WWOX: variants seen among roughly 807,000 people sequenced by gnomAD.
WWOX encodes WW domain containing oxidoreductase.
Under a neutral mutation model 46.2 loss-of-function variants are expected in WWOX, and 69 were observed. That is an observed-to-expected ratio of 1.49 (90% CI 1.23 to 1.82). The LOEUF (loss-of-function observed/expected upper bound fraction) is 1.82. WWOX is among the 40% of genes most tolerant of loss of function. The pLI, the probability that WWOX is intolerant of heterozygous loss-of-function variation, is 0.00. For missense variants in WWOX, 919 were observed against 542.6 expected (o/e 1.69, Z -6.89); for synonymous variants, 359 against 202.6 (o/e 1.77, Z -6.56).
chr16:79,042,146 G>T (rs1162093927), intron 8 of WWOX, among the ~76,000 whole-genome samples: 1 of 152,160 alleles, frequency 6.6e-6, no homozygotes, highest in Non-Finnish European at 1.5e-5. Flanking sequence ...TGTCTCTGAA[G>T]TATTCACAGG....
rs984936279 is a variant in WWOX, at chr16:78,345,599, C to T, written c.517-41261C>T. Among the ~76,000 whole-genome samples the T allele has an allele frequency of 2.3e-5, 2 of 85,840 alleles. 1 individual carries two copies. Among genetic ancestry groups the T allele is most frequent in the Admixed American group, 2.6e-4 (2 of 7,582 alleles). 56.3% of individuals were successfully genotyped at this position (85,840 alleles called of 152,430 possible). A position where few individuals can be genotyped will look rare whatever the true frequency, so the allele number is the denominator to read the frequency against. ...AGGCTACAGTGAGCTGTGATCCTGT[C>T]TCTACACCTCAGTCTGGGTGGCAGA... On this transcript the variant is annotated intron_variant, in intron 5 of 8. Coordinates refer to ENST00000566780, the MANE Select transcript of WWOX (RefSeq NM_016373.4).
At chr16:78,862,892 A>G (rs2043921466) in intron 8 of WWOX, among the ~76,000 whole-genome samples, 2 of 152,110 alleles carry the variant, frequency 1.3e-5, no homozygotes. Flanking sequence ...GTTTAACATA[A>G]TATCTGGGTA....
intron 8 of WWOX, among the ~76,000 whole-genome samples, chr16:78,703,591 C>T (rs1428650153): frequency 1.3e-5 from 2 of 152,024 alleles, no homozygotes; most frequent in Non-Finnish European, 2.9e-5. Flanking sequence ...TACACTTCAT[C>T]CTGGGCAACA....
At chr16:78,841,026 T>C (rs537017212) in intron 8 of WWOX, among the ~76,000 whole-genome samples, 2 of 152,226 alleles carry the variant, frequency 1.3e-5, no homozygotes, top group South Asian at 4.2e-4. Flanking sequence ...TGTGATGCCA[T>C]AGGCAGTCCA....
At position 78,344,735 on chromosome 16, in the gene WWOX, A is replaced by G. The variant is rs1040983515; in HGVS notation, c.517-42125A>G. On this transcript the variant is annotated intron_variant, in intron 5 of 8. Transcript: ENST00000566780. Reference sequence around the variant, plus strand: ...TGACTGAAAAGAATTCTCCATTCCAACTTCCCAAGTCAGTTGCCATTTGGC... The same window carrying G: ...TGACTGAAAAGAATTCTCCATTCCAGCTTCCCAAGTCAGTTGCCATTTGGC... Among the ~76,000 whole-genome samples the G allele has an allele frequency of 4.1e-5, 5 of 122,092 alleles. 1 individual carries two copies. Among genetic ancestry groups the G allele is most frequent in the East Asian group, 3.9e-4 (2 of 5,194 alleles). 80.1% of individuals were successfully genotyped at this position (122,092 alleles called of 152,430 possible).
chr16:78,869,454 C>T (rs142106733), intron 8 of WWOX, among the ~76,000 whole-genome samples: 1 of 152,188 alleles, frequency 6.6e-6, no homozygotes, highest in Non-Finnish European at 1.5e-5. Flanking sequence ...AGTTTATACG[C>T]AAGAAGTGCA....
At chr16:78,729,200 G>C (rs2048906634) in intron 8 of WWOX, among the ~76,000 whole-genome samples, 1 of 151,942 alleles carries the variant, frequency 6.6e-6, no homozygotes, top group South Asian at 2.1e-4. Flanking sequence ...AAATTAGCCA[G>C]ACATCGTGGT....
intron 8 of WWOX, among the ~76,000 whole-genome samples, chr16:78,601,622 T>C (rs1391719100): frequency 2.0e-5 from 3 of 152,338 alleles, no homozygotes; most frequent in Middle Eastern, 6.8e-3. Context: ...TACTTTCTAA[T>C]GTAAATCAAG....
chr16:78,951,790 A>T (rs1326657808), intron 8 of WWOX, among the ~76,000 whole-genome samples: 1 of 152,184 alleles, frequency 6.6e-6, no homozygotes, highest in Non-Finnish European at 1.5e-5. Context: ...GGGGCCAGCC[A>T]GGATGGTGGC....
In WWOX at chr16:79,192,438, C is replaced by G. The variant is rs57869876; in HGVS notation, c.1057-19170C>G. ...CTGGGGAGATGTGTGTGAACAAAAT[C>G]TCATTTTCAAGGAGCTTATTGCCTG... On this transcript the variant is annotated intron_variant, in intron 8 of 8. Coordinates refer to ENST00000566780, the MANE Select transcript of WWOX (RefSeq NM_016373.4). Among the ~76,000 whole-genome samples, 686 of 152,300 alleles carry G rather than the reference C, an allele frequency of 4.5e-3. 3 individuals are homozygous for G. Among genetic ancestry groups the G allele is most frequent in the African/African-American group, 0.015 (636 of 41,554 alleles).
intron 8 of WWOX, among the ~76,000 whole-genome samples, chr16:78,710,769 C>G (rs956315646): frequency 6.6e-6 from 1 of 150,966 alleles, no homozygotes; most frequent in African/African-American, 2.4e-5. Flanking sequence ...TTCATGCTAC[C>G]GTGCCCAGCT....
At chr16:79,027,858 A>G (rs1014231937) in intron 8 of WWOX, among the ~76,000 whole-genome samples, 1 of 151,818 alleles carries the variant, frequency 6.6e-6, no homozygotes, top group Non-Finnish European at 1.5e-5. Flanking sequence ...TAGCATAGAA[A>G]CAGCACGTGT....
At chr16:78,894,327 G>C (rs560223683) in intron 8 of WWOX, among the ~76,000 whole-genome samples, 67 of 152,278 alleles carry the variant, frequency 4.4e-4, no homozygotes, top group South Asian at 1.9e-3. Context: ...ACTCAAGCCT[G>C]GTTCTTTGCT....
chr16:78,590,461 C>G (rs2045325600), intron 8 of WWOX, among the ~76,000 whole-genome samples: 1 of 152,142 alleles, frequency 6.6e-6, no homozygotes, highest in Non-Finnish European at 1.5e-5. Flanking sequence ...GAGCTGCTCA[C>G]TGATAAATAA....
At chr16:78,410,078 A>T (rs150288221) in intron 6 of WWOX, among the ~76,000 whole-genome samples, 103 of 152,220 alleles carry the variant, frequency 6.8e-4, no homozygotes, top group African/African-American at 2.3e-3. Flanking sequence ...CCCTTTGGTG[A>T]TAAGTGAGTT....
chr16:78,118,568 G>A (rs80129716), intron 4 of WWOX, among the ~76,000 whole-genome samples: 2,993 of 152,226 alleles, frequency 0.02, 77 homozygotes, highest in African/African-American at 0.054. Context: ...TTGAACTACT[G>A]TTTGTGTATA....
intron 8 of WWOX, among the ~76,000 whole-genome samples, chr16:78,820,698 A>G (rs1319746490): frequency 2.0e-5 from 3 of 152,290 alleles, no homozygotes; most frequent in East Asian, 1.9e-4. Flanking sequence ...TGGGCCTGCC[A>G]TAACAAATTA....
intron 8 of WWOX, among the ~76,000 whole-genome samples, chr16:78,781,711 G>T (rs989940263): frequency 3.0e-4 from 45 of 152,244 alleles, no homozygotes; most frequent in Non-Finnish European, 2.9e-4. Flanking sequence ...GGAGGTAGAG[G>T]ATGCAGTGAG....
At chr16:78,522,855 C>T (rs965532283) in intron 8 of WWOX, among the ~76,000 whole-genome samples, 6 of 152,098 alleles carry the variant, frequency 3.9e-5, no homozygotes, top group Admixed American at 2.0e-4. Flanking sequence ...GTGGATCACT[C>T]GAGGTCAGGA....
Sources: allele counts gnomAD v4.1 joint callset (sites outside exome capture counted in the v4.1 genomes callset), GRCh38; gene constraint gnomAD v4.1.1; transcripts MANE v1.5; gene names NCBI Gene and HGNC (gene_info 2026-07-23, HGNC 2026-07-21).